Variants in TEKT1 observed in about 807,000 individuals in gnomAD.
TEKT1 encodes tektin-1.
TEKT1 carries 32 observed loss-of-function variants against 34.8 expected under a neutral mutation model. The observed-to-expected ratio is 0.92, with a 90% CI of 0.69 to 1.23. TEKT1 has a LOEUF of 1.23. TEKT1 is among the 50% of genes most tolerant of loss of function. The probability of loss-of-function intolerance (pLI) is 0.00; values close to 1 mark genes in which losing one functional copy is unlikely to be tolerated. For missense variants in TEKT1, 492 were observed against 518.5 expected (o/e 0.95, Z 0.50); for synonymous variants, 207 against 199.8 (o/e 1.04, Z -0.30).
chr17:6,824,152 G>A (rs1266252565), intron 2 of TEKT1, among the ~76,000 whole-genome samples: 1 of 151,954 alleles, frequency 6.6e-6, no homozygotes, highest in Non-Finnish European at 1.5e-5. Context: ...TCATAACCTT[G>A]GTCTCATCTG....
chr17:6,805,410 A>C (rs1976830636), intron 6 of TEKT1, among the ~76,000 whole-genome samples: 1 of 152,096 alleles, frequency 6.6e-6, no homozygotes, highest in Admixed American at 6.5e-5. Context: ...CTTTTCAAAA[A>C]ACCAGCTCCT....
Position 6,819,196 on chromosome 17 carries a change from T to C in TEKT1, c.353A>G (p.Tyr118Cys), listed in dbSNP as rs1977051794. 1 of 1,611,914 alleles carries C rather than the reference T, an allele frequency of 6.2e-7. No homozygotes were observed. Among genetic ancestry groups the C allele is most frequent in the African/African-American group, 1.3e-5 (1 of 74,774 alleles). ...TTTGAGGGACCTTCGCTCCTACCTG[T>C]ATGCCAGGCATGTCTCAGTGATGTG... ...PLHITETCLA[Y>C]REKRIGIDLV... The change falls in exon 3 of 8, where the codon TAC becomes TGC. Residue 118 changes from tyrosine to cysteine, a missense_variant. Physicochemically the swap from Tyr to Cys is radical, Grantham distance 194. Coordinates refer to ENST00000338694, the MANE Select transcript of TEKT1 (RefSeq NM_053285.2).
intron 4 of TEKT1, 91 bp downstream of exon 4, chr17:6,815,743 T>C (rs1976996457): frequency 6.4e-7 from 1 of 1,562,682 alleles, no homozygotes; most frequent in South Asian, 1.2e-5. Context: ...TGAACCCCTT[T>C]CTTTCTGTGC....
chr17:6,817,586 C>T (rs1977023446), intron 3 of TEKT1, among the ~76,000 whole-genome samples: 1 of 152,112 alleles, frequency 6.6e-6, no homozygotes, highest in Admixed American at 6.5e-5. Flanking sequence ...TGTCACAGAA[C>T]TGTGTGCCAC....
intron 6 of TEKT1, among the ~76,000 whole-genome samples, chr17:6,804,091 A>T (rs997413314): frequency 6.6e-6 from 1 of 152,180 alleles, no homozygotes; most frequent in Admixed American, 6.5e-5. Flanking sequence ...CCTACCCATG[A>T]GCATGGAATG....
At chr17:6,818,629 C>T (rs142164553) in intron 3 of TEKT1, among the ~76,000 whole-genome samples, 1 of 152,274 alleles carries the variant, frequency 6.6e-6, no homozygotes, top group Non-Finnish European at 1.5e-5. Flanking sequence ...CCAATCATTT[C>T]CCAGCATCTG....
chr17:6,810,796 T>G (rs182543303), intron 6 of TEKT1, among the ~76,000 whole-genome samples: 69 of 152,338 alleles, frequency 4.5e-4, no homozygotes, highest in Non-Finnish European at 9.0e-4. Flanking sequence ...TGGAGCACAA[T>G]GGCACAATCT....
In TEKT1 at chr17:6,799,944, C is replaced by G; in HGVS notation, c.*83G>C. The G allele has an allele frequency of 7.2e-7, 1 of 1,387,252 alleles. No homozygotes were observed. The highest frequency in any genetic ancestry group is 9.6e-7 in the Non-Finnish European group (1 of 1,037,158). 85.9% of individuals were successfully genotyped at this position (1,387,252 alleles called of 1,614,324 possible). On this transcript the variant is annotated 3_prime_UTR_variant, in exon 8 of 8. Coordinates refer to ENST00000338694, the MANE Select transcript of TEKT1 (RefSeq NM_053285.2). ...GGTTGCAGCAGGCTGGCTAGAGGCC[C>G]CGCCAGCCTGAAATGAGAGCTCTGT...
rs1331524358 is a variant in TEKT1, at chr17:6,811,446, A to G, written c.852+1385T>C. On this transcript the variant is annotated intron_variant, in intron 6 of 7. Transcript: ENST00000338694. This position sits in a 1 kb window ranked among gnomAD's most constrained non-coding sequence, Gnocchi z 4.4. ...CATTTTATCAAGGAGGAAACTAAGG[A>G]ACAGGGGAGTTCAGGGTCTCCCTAA... 2.6e-5 allele frequency among the ~76,000 whole-genome samples: 4 copies of G among 152,156 alleles called. No individual in the cohort carries two copies. Among genetic ancestry groups the G allele is most frequent in the African/African-American group, 9.6e-5 (4 of 41,494 alleles).
intron 6 of TEKT1, among the ~76,000 whole-genome samples, chr17:6,802,297 T>C (rs952898330): frequency 1.3e-5 from 2 of 152,188 alleles, no homozygotes; most frequent in African/African-American, 4.8e-5. Flanking sequence ...TTAGCAGATA[T>C]TAGCAATTAC....
chr17:6,816,952 T>C (rs1401893073), intron 3 of TEKT1, among the ~76,000 whole-genome samples: 1 of 152,232 alleles, frequency 6.6e-6, no homozygotes, highest in Non-Finnish European at 1.5e-5. Flanking sequence ...TATCTCATTG[T>C]GGTTTTGATT....
At chr17:6,823,403 A>G (rs928202046) in intron 2 of TEKT1, among the ~76,000 whole-genome samples, 4 of 151,914 alleles carry the variant, frequency 2.6e-5, no homozygotes, top group Non-Finnish European at 5.9e-5. Flanking sequence ...TTATTTGTCT[A>G]CTGTTGCTTC....
Position 6,812,960 on chromosome 17 carries a change from C to G in TEKT1, c.723G>C (p.Leu241=). The G allele has an allele frequency of 6.2e-7, 1 of 1,614,220 alleles. No individual in the cohort carries two copies. Among genetic ancestry groups the G allele is most frequent in the Non-Finnish European group, 8.5e-7 (1 of 1,180,024 alleles). The change falls in exon 6 of 8, where the codon CTG becomes CTC. Residue 241 remains leucine, a synonymous_variant. Transcript: ENST00000338694. ...CTGTCTGGGACAGGATTCGATCCACCAGGGCTTTCAGCATCAGGGAGTTGT... is the reference window on the plus strand; with the variant it reads ...CTGTCTGGGACAGGATTCGATCCACGAGGGCTTTCAGCATCAGGGAGTTGT... The part of the protein sequence containing the change: ...QRNNSLMLKA[L]VDRILSQTAN...
intron 3 of TEKT1, among the ~76,000 whole-genome samples, chr17:6,818,675 A>G (rs1977042618): frequency 2.0e-5 from 3 of 152,154 alleles, no homozygotes; most frequent in African/African-American, 7.2e-5. Flanking sequence ...TGTCAATAGG[A>G]TGCAAATAGA....
chr17:6,830,073 G>T, intron 2 of TEKT1, 114 bp downstream of exon 2: 2 of 1,074,728 alleles, frequency 1.9e-6, no homozygotes, highest in Non-Finnish European at 2.6e-6. Flanking sequence ...GAATACACAT[G>T]ATTTTCTCTA....
chr17:6,808,562 G>A (rs56156342), intron 6 of TEKT1, among the ~76,000 whole-genome samples: 6,788 of 152,236 alleles, frequency 0.045, 223 homozygotes, highest in Admixed American at 0.064. Flanking sequence ...CGTCGCTCAC[G>A]CTGGGAGCTG....
At chr17:6,817,806 A>G (rs1421182041) in intron 3 of TEKT1, among the ~76,000 whole-genome samples, 2 of 152,238 alleles carry the variant, frequency 1.3e-5, no homozygotes, top group African/African-American at 4.8e-5. Context: ...ATTGTGGCAC[A>G]CTACAAATGA....
Position 6,812,841 on chromosome 17 carries a change from T to A in TEKT1, c.842A>T (p.His281Leu), listed in dbSNP as rs1267706316. 2 of 1,613,748 alleles carry A rather than the reference T, an allele frequency of 1.2e-6. No homozygotes were observed. The highest frequency in any genetic ancestry group is 3.3e-5 in the Admixed American group (2 of 60,028). The change falls in exon 6 of 8, where the codon CAT (histidine) becomes CTT (leucine). Residue 281 changes from histidine to leucine, a missense_variant. Transcript: ENST00000338694. ...TKDARDKLAD[H>L]LAKVMEEIAS... The stretch of plus-strand genomic sequence containing the variant: ...CTCAAGGGACCTCACCTTGGCCAGA[T>A]GATCAGCCAGCTTGTCCCTGGCATC...
intron 2 of TEKT1, among the ~76,000 whole-genome samples, chr17:6,821,530 G>C (rs1486560017): frequency 6.6e-6 from 1 of 152,114 alleles, no homozygotes; most frequent in African/African-American, 2.4e-5. Context: ...TTTCTTTATA[G>C]CAGTGTGAAA....
Sources: gnomAD v4.1 joint callset for allele counts (sites outside exome capture counted in the v4.1 genomes callset) on GRCh38, gnomAD v4.1.1 for gene constraint, Gnocchi (gnomAD v3.1) non-coding constraint, MANE v1.5 for transcripts, NCBI Gene and HGNC (gene_info 2026-07-23, HGNC 2026-07-21) for gene names.